The following KIAA1217 variants were observed in gnomAD, a reference collection of about 807,000 sequenced individuals.
KIAA1217 encodes sickle tail protein homolog.
In KIAA1217, 88 loss-of-function variants were observed where a neutral mutation model predicts 163.9. The observed-to-expected ratio is 0.54, with a 90% confidence interval of 0.45 to 0.64. The LOEUF (loss-of-function observed/expected upper bound fraction) is 0.64. KIAA1217 is among the 30% of genes least tolerant of loss of function. The pLI is 0.00. For synonymous variants in KIAA1217, 903 were observed against 923.1 expected (o/e 0.98, Z 0.39); for missense variants, 2,372 against 2,475.0 (o/e 0.96, Z 0.88).
intron 2 of KIAA1217, among the ~76,000 whole-genome samples, chr10:24,195,704 C>A (rs2066952888): frequency 6.6e-6 from 1 of 152,166 alleles, no homozygotes; most frequent in South Asian, 2.1e-4. Flanking sequence ...AAGGAAGTGG[C>A]TCTGGGGAGA....
At chr10:24,444,429 G>A (rs1363365490) in intron 5 of KIAA1217, among the ~76,000 whole-genome samples, 7 of 152,166 alleles carry the variant, frequency 4.6e-5, no homozygotes. Flanking sequence ...CCTTTTGGGG[G>A]CCTGTTGCAC....
intron 1 of KIAA1217, among the ~76,000 whole-genome samples, chr10:23,968,570 A>G (rs553905487): frequency 2.4e-4 from 37 of 152,308 alleles, no homozygotes; most frequent in African/African-American, 8.7e-4. Context: ...AACCAACACC[A>G]GAATCAATTT....
In KIAA1217 at chr10:24,527,990, A is replaced by G; in HGVS notation, c.2953A>G (p.Lys985Glu). 6.2e-7 allele frequency: 1 copy of G among 1,614,152 alleles called. No individual in the cohort carries two copies. The highest frequency in any genetic ancestry group is 8.5e-7 in the Non-Finnish European group (1 of 1,180,008). ...GCAAAATCTGGATCACTATAATGGGAAAGAGTTTGAGAAGCTCCTAGAAGA... is the reference window on the plus strand; with the variant it reads ...GCAAAATCTGGATCACTATAATGGGGAAGAGTTTGAGAAGCTCCTAGAAGA... ...KRQNLDHYNG[K>E]EFEKLLEEAQ... Residue 985 changes from lysine (K) to glutamate (E), a missense_variant, in exon 14 of 21, where the codon AAA becomes GAA. By Grantham distance (56) the Lys-to-Glu change is moderately conservative. This residue lies in a region of KIAA1217 where 1,431 missense variants were observed against 1,470.3 expected (regional missense o/e 0.97). Coordinates refer to ENST00000376454, the MANE Select transcript of KIAA1217 (RefSeq NM_019590.5).
intron 6 of KIAA1217, among the ~76,000 whole-genome samples, chr10:24,478,100 T>A (rs1488721099): frequency 1.3e-5 from 2 of 152,198 alleles, no homozygotes; most frequent in Non-Finnish European, 2.9e-5. Context: ...GAGAAATCGG[T>A]GGCTGTGCTT....
intron 2 of KIAA1217, among the ~76,000 whole-genome samples, chr10:24,201,571 G>A (rs2130526730): frequency 6.6e-6 from 1 of 152,162 alleles, no homozygotes; most frequent in Non-Finnish European, 1.5e-5. Flanking sequence ...ATCCTGGAGG[G>A]CTTCCTCTAC....
At chr10:24,124,966 C>G (rs563878030) in intron 2 of KIAA1217, among the ~76,000 whole-genome samples, 1 of 152,238 alleles carries the variant, frequency 6.6e-6, no homozygotes, top group East Asian at 1.9e-4. Flanking sequence ...AGATTTACCT[C>G]CCCTTAGAAA....
intron 2 of KIAA1217, among the ~76,000 whole-genome samples, chr10:24,124,702 T>C (rs1031944669): frequency 2.0e-5 from 3 of 152,210 alleles, no homozygotes; most frequent in African/African-American, 7.2e-5. Context: ...GTTTTTTCTC[T>C]TTTAATGCAT....
intron 1 of KIAA1217, among the ~76,000 whole-genome samples, chr10:23,782,485 T>A (rs1588792782): frequency 6.6e-6 from 1 of 152,194 alleles, no homozygotes; most frequent in South Asian, 2.1e-4. Flanking sequence ...AGGCTGGAGG[T>A]GCAGTGGTGC....
chr10:24,323,641 C>T (rs537637603), intron 2 of KIAA1217, among the ~76,000 whole-genome samples: 1 of 152,236 alleles, frequency 6.6e-6, no homozygotes, highest in African/African-American at 2.4e-5. Flanking sequence ...AGTATTCCAC[C>T]TGCTTTGTAA....
At chr10:24,274,961 C>T (rs766834031) in intron 2 of KIAA1217, among the ~76,000 whole-genome samples, 9 of 151,870 alleles carry the variant, frequency 5.9e-5, no homozygotes, top group Admixed American at 1.3e-4. Context: ...TTGTAGATGC[C>T]GGGTCTCGCC....
chr10:24,302,997 G>A (rs1010163521), intron 2 of KIAA1217, among the ~76,000 whole-genome samples: 1 of 152,090 alleles, frequency 6.6e-6, no homozygotes, highest in Non-Finnish European at 1.5e-5. Context: ...TTTACTCTGA[G>A]TAAGAGGGAA....
chr10:24,000,445 A>G (rs527258841), intron 1 of KIAA1217, among the ~76,000 whole-genome samples: 20 of 152,358 alleles, frequency 1.3e-4, no homozygotes, highest in Non-Finnish European at 2.4e-4. Context: ...GCCTTCTGCC[A>G]TAATTGTAAG....
chr10:24,080,392 G>A (rs965223963), intron 2 of KIAA1217, among the ~76,000 whole-genome samples: 1 of 152,136 alleles, frequency 6.6e-6, no homozygotes, highest in African/African-American at 2.4e-5. Flanking sequence ...TCCTTGGCGT[G>A]ACTAGTATTG....
At chr10:23,812,435 G>T (rs1451320819) in intron 1 of KIAA1217, among the ~76,000 whole-genome samples, 2 of 152,130 alleles carry the variant, frequency 1.3e-5, no homozygotes, top group East Asian at 3.9e-4. Context: ...GGCCATAGTA[G>T]GAGCTTGGAA....
At chr10:24,454,857 T>G (rs904618409) in intron 5 of KIAA1217, among the ~76,000 whole-genome samples, 9 of 149,492 alleles carry the variant, frequency 6.0e-5, no homozygotes, top group African/African-American at 2.2e-4. Context: ...GCTGTGTAAC[T>G]GCAAGGAAAA....
rs573838967 is a variant in KIAA1217 at position 24,505,949 on chromosome 10, C to T, written c.2001+4404C>T. 5.9e-5 allele frequency among the ~76,000 whole-genome samples: 9 copies of T among 152,056 alleles called. No individual in the cohort carries two copies. The South Asian group carries it at 1.2e-3, about 21-fold the overall frequency. ...ATGCATAACAATGGTCACGGGAATG[C>T]GGATCCCTGAGAACAGCATATTGGA... On this transcript the variant is annotated intron_variant, in intron 9 of 20. Transcript: ENST00000376454.
At chr10:23,887,229 C>CT (rs1413772342) in intron 1 of KIAA1217, among the ~76,000 whole-genome samples, 1 of 151,650 alleles carries the variant, frequency 6.6e-6, no homozygotes, top group East Asian at 1.9e-4. Flanking sequence ...GTGCCAGAGT[C>CT]TTTTTTTAAA....
At chr10:24,092,394 A>T (rs1259959334) in intron 2 of KIAA1217, among the ~76,000 whole-genome samples, 2 of 151,784 alleles carry the variant, frequency 1.3e-5, no homozygotes, top group Admixed American at 1.3e-4. Flanking sequence ...CATGCCATAT[A>T]ACCCAGCAAT....
At chr10:24,413,474 G>A (rs955288967) in intron 3 of KIAA1217, among the ~76,000 whole-genome samples, 8 of 152,040 alleles carry the variant, frequency 5.3e-5, no homozygotes, top group East Asian at 1.9e-4. Flanking sequence ...GCCCAGCCCC[G>A]TAGTTAATTT....
Sources: gnomAD v4.1 joint callset for allele counts (sites outside exome capture counted in the v4.1 genomes callset) on GRCh38, gnomAD v4.1.1 for gene constraint, gnomAD v4.1.1 regional missense constraint, MANE v1.5 for transcripts, NCBI Gene and HGNC (gene_info 2026-07-23, HGNC 2026-07-21) for gene names.